The following SLC26A3 variants were observed in gnomAD, a reference collection of about 807,000 sequenced individuals.
SLC26A3 encodes the protein solute carrier family 26 member 3.
Under a neutral mutation model 85.6 loss-of-function variants are expected in SLC26A3, and 64 were observed. That is an observed-to-expected ratio of 0.75 (90% CI 0.61 to 0.92). The LOEUF (loss-of-function observed/expected upper bound fraction) is 0.92. SLC26A3 is among the 40% of genes least tolerant of loss of function. The pLI, the probability that SLC26A3 is intolerant of heterozygous loss-of-function variation, is 0.00. For synonymous variants in SLC26A3, 349 were observed against 336.0 expected (o/e 1.04, Z -0.42); for missense variants, 922 against 927.3 (o/e 0.99, Z 0.07).
At chr7:107,798,106 C>T (rs1794541091) in intron 1 of SLC26A3, among the ~76,000 whole-genome samples, 1 of 151,938 alleles carries the variant, frequency 6.6e-6, no homozygotes, top group African/African-American at 2.4e-5. Context: ...ATTTGCTTCC[C>T]TACGACGTGC....
chr7:107,789,476 A>G, intron 6 of SLC26A3, 48 bp downstream of exon 6: 2 of 1,552,980 alleles, frequency 1.3e-6, no homozygotes, highest in Non-Finnish European at 1.8e-6. Context: ...AAAACACAGT[A>G]GTGAGTTTCA....
chr7:107,797,116 G>T (rs1037487835), intron 1 of SLC26A3, among the ~76,000 whole-genome samples: 3 of 152,144 alleles, frequency 2.0e-5, no homozygotes, highest in Admixed American at 2.0e-4. Context: ...CTGAACTCTG[G>T]CTGTCCTGCC....
intron 3 of SLC26A3, 24 bp from the exon 4 acceptor site, chr7:107,791,964 C>G: frequency 7.3e-7 from 1 of 1,367,582 alleles, no homozygotes; most frequent in Non-Finnish European, 1.0e-6. Flanking sequence ...AGCAGCAGAG[C>G]CCTTACTCTG....
chr7:107,778,283 T>C lies in SLC26A3; in HGVS notation c.1408-2A>G, dbSNP rs778828932. 1 of 1,596,024 alleles carries C rather than the reference T, an allele frequency of 6.3e-7. No homozygotes were observed. Among genetic ancestry groups the C allele is most frequent in the African/African-American group, 1.4e-5 (1 of 73,410 alleles). ...GATGAAGGTCATGATCCAAATTAAC[T>C]GTGAAAAGAAAGCAACACATACACT... On this transcript the variant is annotated splice_acceptor_variant, in intron 12 of 20. Coordinates refer to ENST00000340010, the MANE Select transcript of SLC26A3 (RefSeq NM_000111.3). LOFTEE classifies it high-confidence loss of function.
intron 1 of SLC26A3, among the ~76,000 whole-genome samples, chr7:107,795,958 T>G (rs988968799): frequency 2.0e-5 from 3 of 152,034 alleles, no homozygotes; most frequent in African/African-American, 7.3e-5. Context: ...TGATCACTCA[T>G]TTTTCTCTCC....
intron 2 of SLC26A3, 90 bp downstream of exon 2, chr7:107,794,289 G>T: frequency 7.0e-7 from 1 of 1,434,300 alleles, no homozygotes; most frequent in Non-Finnish European, 9.8e-7. Context: ...GTGGACTAGA[G>T]CCAGAAAGGA....
At chr7:107,773,414 A>G (rs886765377) in intron 17 of SLC26A3, among the ~76,000 whole-genome samples, 1 of 152,206 alleles carries the variant, frequency 6.6e-6, no homozygotes, top group African/African-American at 2.4e-5. Flanking sequence ...ATTCCCTTCA[A>G]TATAGTACCC....
At chr7:107,773,108 C>T (rs1240916555) in intron 17 of SLC26A3, among the ~76,000 whole-genome samples, 2 of 152,184 alleles carry the variant, frequency 1.3e-5, no homozygotes, top group Non-Finnish European at 2.9e-5. Context: ...AAAGAAAACA[C>T]ACTGCAATCT....
At chr7:107,780,419 GATCTTTTA>G (rs1185623014) in intron 11 of SLC26A3, among the ~76,000 whole-genome samples, 2 of 152,168 alleles carry the variant, frequency 1.3e-5, no homozygotes, top group Non-Finnish European at 2.9e-5. Flanking sequence ...GCCAGAATGT[GATCTTTTA>G]TCTTGCAGGA....
intron 5 of SLC26A3, 56 bp downstream of exon 5, chr7:107,790,992 T>C: frequency 1.3e-6 from 2 of 1,564,482 alleles, no homozygotes; most frequent in Non-Finnish European, 1.7e-6. Context: ...TAGAGAGATG[T>C]GTAACAGTCA....
At chr7:107,791,281 G>T in intron 4 of SLC26A3, 46 bp from the exon 5 acceptor site, 2 of 1,565,656 alleles carry the variant, frequency 1.3e-6, no homozygotes. Flanking sequence ...CCTCTCTAAA[G>T]CACATTGTCT....
intron 5 of SLC26A3, 92 bp downstream of exon 5, chr7:107,790,956 G>A (rs1794387279): frequency 7.6e-7 from 1 of 1,319,278 alleles, no homozygotes; most frequent in East Asian, 2.5e-5. Flanking sequence ...GGGAAGATGG[G>A]GAGGAGTGGC....
chr7:107,788,234 C>T (rs191292813), intron 6 of SLC26A3, among the ~76,000 whole-genome samples: 2 of 152,278 alleles, frequency 1.3e-5, no homozygotes, highest in Non-Finnish European at 2.9e-5. Flanking sequence ...AACACATCTA[C>T]CATCGAGCTA....
intron 18 of SLC26A3, among the ~76,000 whole-genome samples, chr7:107,771,249 A>C (rs1477845468): frequency 6.6e-6 from 1 of 152,110 alleles, no homozygotes; most frequent in Non-Finnish European, 1.5e-5. Flanking sequence ...TGGGAGGGGG[A>C]ATCATATACG....
At chr7:107,790,904 G>A (rs1026037834) in intron 5 of SLC26A3, 144 bp downstream of exon 5, 22 of 864,370 alleles carry the variant, frequency 2.5e-5, no homozygotes, top group African/African-American at 3.3e-5. Flanking sequence ...GTGACCCTTC[G>A]TACAGTATTT....
At chr7:107,775,451 G>C (rs567619769) in intron 15 of SLC26A3, among the ~76,000 whole-genome samples, 74 of 151,992 alleles carry the variant, frequency 4.9e-4, no homozygotes, top group Non-Finnish European at 1.0e-4. Flanking sequence ...TTGGCCAGGC[G>C]TGGTGGCTGA....
intron 1 of SLC26A3, among the ~76,000 whole-genome samples, chr7:107,796,649 G>A (rs894646758): frequency 1.3e-5 from 2 of 152,116 alleles, no homozygotes; most frequent in Admixed American, 6.5e-5. Context: ...CAACAACATG[G>A]TTGGGGCAAT....
intron 12 of SLC26A3, among the ~76,000 whole-genome samples, chr7:107,778,584 C>G (rs1047790998): frequency 1.3e-5 from 2 of 151,934 alleles, no homozygotes; most frequent in African/African-American, 4.8e-5. Context: ...ATTTCTAATC[C>G]CATCTCCAAC....
chr7:107,784,311 G>A (rs895696455), intron 8 of SLC26A3, among the ~76,000 whole-genome samples: 3 of 152,220 alleles, frequency 2.0e-5, no homozygotes, highest in Admixed American at 2.0e-4. Context: ...TTATTCTTTT[G>A]TTCTGGTCTC....
Sources: gnomAD v4.1 joint callset for allele counts (sites outside exome capture counted in the v4.1 genomes callset) on GRCh38, gnomAD v4.1.1 for gene constraint, MANE v1.5 for transcripts, NCBI Gene and HGNC (gene_info 2026-07-23, HGNC 2026-07-21) for gene names.